C11orf97: variants seen among roughly 807,000 people sequenced by gnomAD.
C11orf97 encodes chromosome 11 open reading frame 97, also known as uncharacterized protein C11orf97.
C11orf97 carries 15 observed loss-of-function variants against 16.2 expected under a neutral mutation model. That is an observed-to-expected ratio of 0.93 (90% CI 0.62 to 1.43). The LOEUF (loss-of-function observed/expected upper bound fraction) is 1.43, where lower values mean the gene tolerates loss of function less well. C11orf97 is among the 40% of genes most tolerant of loss of function. The probability of loss-of-function intolerance (pLI) is 0.00; values close to 1 mark genes in which losing one functional copy is unlikely to be tolerated. For missense variants in C11orf97, 171 were observed against 161.2 expected, an observed-to-expected ratio of 1.06 and a Z score of -0.33; for synonymous variants, 61 against 65.7, an observed-to-expected ratio of 0.93 and a Z score of 0.34.
At chr11:94,528,929 A>T (rs1214386147) in intron 3 of C11orf97, among the ~76,000 whole-genome samples, 1 of 152,216 alleles carries the variant, frequency 6.6e-6, no homozygotes, top group Non-Finnish European at 1.5e-5. Flanking sequence ...GTACTCAACC[A>T]AGATATGAAT....
chr11:94,512,718 G>A, intron 1 of C11orf97, 45 bp downstream of exon 1: 1 of 1,234,256 alleles, frequency 8.1e-7, no homozygotes, highest in Admixed American at 4.2e-5. Context: ...GGAGGGGCGT[G>A]GAGAACGAGT....
chr11:94,517,684 G>A lies in C11orf97; in HGVS notation c.247G>A (p.Ala83Thr). 1 of 1,516,090 alleles carries A rather than the reference G, an allele frequency of 6.6e-7. No homozygotes were observed. Among genetic ancestry groups the A allele is most frequent in the Non-Finnish European group, 8.8e-7 (1 of 1,135,896 alleles). The allele number at this position is 1,516,090 out of a possible 1,614,324, so 93.9% of individuals were successfully genotyped here. ...TGAATGCCACATTAAAAATCCAGCT[G>A]CAGGTAATCTCAGTGACAAATGAAG... The part of the protein sequence containing the change: ...RDECHIKNPA[A>T]VALEGIWSIK... The change falls in exon 2 of 4, where the codon GCA (alanine) becomes ACA (threonine). Residue 83 changes from alanine to threonine, a missense_variant. By Grantham distance (58) the Ala-to-Thr change is moderately conservative. Transcript: ENST00000542198.
Position 94,524,406 on chromosome 11 carries a change from A to G in C11orf97, c.251-3678A>G, listed in dbSNP as rs556343814. Among the ~76,000 whole-genome samples, 76 of 152,210 alleles carry G rather than the reference A, an allele frequency of 5.0e-4. 1 individual carries two copies. Among genetic ancestry groups the G allele is most frequent in the South Asian group, 4.8e-3 (23 of 4,824 alleles). The stretch of plus-strand genomic sequence containing the variant: ...AGGAACAGAGATTTGAAATTGATTT[A>G]GTAGCAAGTAGTGTTCTATTCAGTT... On this transcript the variant is annotated intron_variant, in intron 2 of 3. Coordinates refer to ENST00000542198, the MANE Select transcript of C11orf97 (RefSeq NM_001190462.2).
chr11:94,521,010 T>A (rs1947653513), intron 2 of C11orf97, among the ~76,000 whole-genome samples: 1 of 152,222 alleles, frequency 6.6e-6, no homozygotes, highest in Non-Finnish European at 1.5e-5. Flanking sequence ...ACAGGCTTTC[T>A]TGACATTCTG....
At chr11:94,531,010 T>C (rs943938204) in intron 3 of C11orf97, among the ~76,000 whole-genome samples, 31 of 152,184 alleles carry the variant, frequency 2.0e-4, no homozygotes, top group Admixed American at 1.7e-3. Flanking sequence ...CTCTTTCTCA[T>C]GAACAATGTG....
chr11:94,520,437 C>T lies in C11orf97; in HGVS notation c.250+2750C>T, dbSNP rs374841331. On this transcript the variant is annotated intron_variant, in intron 2 of 3. Transcript: ENST00000542198. ...GGGCTCTTTTCTCTACCTACCCTCACACCGTGGGATATCTAGCCCTATTGG... is the reference window on the plus strand; with the variant it reads ...GGGCTCTTTTCTCTACCTACCCTCATACCGTGGGATATCTAGCCCTATTGG... Among the ~76,000 whole-genome samples, 10 of 152,344 alleles carry T rather than the reference C, an allele frequency of 6.6e-5. No individual in the cohort carries two copies. In the East Asian group the frequency reaches 1.4e-3, roughly 21 times the overall value.
chr11:94,527,331 A>C (rs1947708014), intron 2 of C11orf97, among the ~76,000 whole-genome samples: 1 of 152,196 alleles, frequency 6.6e-6, no homozygotes, highest in Non-Finnish European at 1.5e-5. Flanking sequence ...AAAACAACTT[A>C]TGGCAACTCA....
chr11:94,531,299 C>T (rs749016658), intron 3 of C11orf97, among the ~76,000 whole-genome samples: 10 of 151,870 alleles, frequency 6.6e-5, no homozygotes, highest in Non-Finnish European at 1.2e-4. Flanking sequence ...AATTAGCAGG[C>T]GGGGTGACGC....
intron 2 of C11orf97, among the ~76,000 whole-genome samples, chr11:94,524,260 G>T (rs1267880799): frequency 1.3e-5 from 2 of 152,138 alleles, no homozygotes; most frequent in African/African-American, 4.8e-5. Flanking sequence ...TCAGGGGGAT[G>T]CAGTGACTTG....
intron 1 of C11orf97, among the ~76,000 whole-genome samples, chr11:94,517,330 T>C (rs1417267102): frequency 6.6e-6 from 1 of 152,172 alleles, no homozygotes; most frequent in Non-Finnish European, 1.5e-5. Context: ...TATCTATTTC[T>C]TCATAACACC....
At chr11:94,514,515 G>C (rs577013543) in intron 1 of C11orf97, among the ~76,000 whole-genome samples, 11 of 152,142 alleles carry the variant, frequency 7.2e-5, no homozygotes, top group South Asian at 4.1e-4. Context: ...TCACAGTCCT[G>C]CTCTCAAACA....
chr11:94,529,666 T>G (rs1947724234), intron 3 of C11orf97, among the ~76,000 whole-genome samples: 1 of 152,230 alleles, frequency 6.6e-6, no homozygotes, highest in Non-Finnish European at 1.5e-5. Flanking sequence ...TCCAAGACTA[T>G]GCCCTCAGTT....
intron 2 of C11orf97, among the ~76,000 whole-genome samples, chr11:94,524,213 C>A (rs1947681474): frequency 6.6e-6 from 1 of 152,142 alleles, no homozygotes; most frequent in African/African-American, 2.4e-5. Context: ...GATATATGCT[C>A]TTTTAATTCA....
chr11:94,525,007 C>T (rs1342207158), intron 2 of C11orf97, among the ~76,000 whole-genome samples: 1 of 146,322 alleles, frequency 6.8e-6, no homozygotes, highest in African/African-American at 2.5e-5. Context: ...TGCAGTGGGC[C>T]GAGATCTCAC....
At chr11:94,531,526 C>CAAAAAAA (rs35270400) in intron 3 of C11orf97, among the ~76,000 whole-genome samples, 1 of 92,076 alleles carries the variant, frequency 1.1e-5, no homozygotes, top group African/African-American at 4.1e-5. Context: ...CAAAACAAGC[C>CAAAAAAA]AAAAAAAAAA....
rs11605546 is a variant in C11orf97, at chr11:94,528,114, G to A, written c.281G>A (p.Arg94Lys). 168,991 of 1,534,018 alleles carry A rather than the reference G, an allele frequency of 0.11. 10,029 individuals are homozygous for A. The highest frequency in any genetic ancestry group is 0.19 in the South Asian group (16,215 of 83,882). Residue 94 changes from arginine (R) to lysine (K), a missense_variant, in exon 3 of 4, where the codon AGG becomes AAG. Coordinates refer to ENST00000542198, the MANE Select transcript of C11orf97 (RefSeq NM_001190462.2). ...VALEGIWSIKRNLPVGGLKPG... is the reference protein window; with the variant it reads ...VALEGIWSIKKNLPVGGLKPG... ...CTGGAAGGGATTTGGAGCATTAAAA[G>A]GAATCTGCCTGTGGGAGGCTTGAAG...
intron 2 of C11orf97, among the ~76,000 whole-genome samples, chr11:94,520,433 C>T (rs1289790795): frequency 2.6e-5 from 4 of 152,174 alleles, no homozygotes; most frequent in African/African-American, 9.7e-5. Context: ...TCTACCTACC[C>T]TCACACCGTG....
In C11orf97 at chr11:94,518,025, T is replaced by C. The variant is rs1290025468; in HGVS notation, c.250+338T>C. On this transcript the variant is annotated intron_variant, in intron 2 of 3. Transcript: ENST00000542198. Reference sequence around the variant, plus strand: ...TTAGCCGGGTATGGTGGCGGGCACCTGTAGTCCCAGCTACTCGGGAGGCTG... The same window carrying C: ...TTAGCCGGGTATGGTGGCGGGCACCCGTAGTCCCAGCTACTCGGGAGGCTG... Among the ~76,000 whole-genome samples the C allele has an allele frequency of 9.2e-5, 14 of 151,926 alleles. No individual in the cohort carries two copies. The East Asian group carries it at 2.7e-3, about 29-fold the overall frequency.
chr11:94,524,483 C>G (rs1390053737), intron 2 of C11orf97, among the ~76,000 whole-genome samples: 1 of 150,630 alleles, frequency 6.6e-6, no homozygotes, highest in Non-Finnish European at 1.5e-5. Flanking sequence ...AGTTTAGCCT[C>G]CAGGTTCAAA....
Sources: allele counts gnomAD v4.1 joint callset (sites outside exome capture counted in the v4.1 genomes callset), GRCh38; gene constraint gnomAD v4.1.1; transcripts MANE v1.5; gene names NCBI Gene and HGNC (gene_info 2026-07-23, HGNC 2026-07-21).